CACNB1: variants seen among roughly 807,000 people sequenced by gnomAD.
CACNB1 encodes the protein voltage-dependent L-type calcium channel subunit beta-1.
CACNB1 carries 29 observed loss-of-function variants against 71.6 expected under a neutral mutation model. That is an observed-to-expected ratio of 0.40 (90% CI 0.30 to 0.55). The LOEUF (loss-of-function observed/expected upper bound fraction) is 0.55. Among genes scored for constraint, CACNB1 ranks in the 20% least tolerant of loss-of-function variants. The pLI, the probability that CACNB1 is intolerant of heterozygous loss-of-function variation, is 0.38. For synonymous variants in CACNB1, 300 were observed against 319.6 expected (o/e 0.94, Z 0.65); for missense variants, 623 against 801.8 (o/e 0.78, Z 2.69).
chr17:39,191,607 G>A lies in CACNB1; in HGVS notation c.172-14C>T. 1.2e-6 allele frequency: 2 copies of A among 1,607,720 alleles called. No homozygotes were observed. The highest frequency in any genetic ancestry group is 1.1e-5 in the South Asian group (1 of 90,046). On this transcript the variant is annotated splice_polypyrimidine_tract_variant and intron_variant, in intron 2 of 13. Transcript: ENST00000394303. ...CTCCGCTGAGCCCTGAAAATAGAGA[G>A]AGCCAGATCAGGGCCATTGCTGCCC...
Position 39,186,977 on chromosome 17 carries a change from A to C in CACNB1, c.415-48T>G, listed in dbSNP as rs755036268. 2 of 1,599,998 alleles carry C rather than the reference A, an allele frequency of 1.3e-6. No individual in the cohort carries two copies. Among genetic ancestry groups the C allele is most frequent in the Non-Finnish European group, 1.7e-6 (2 of 1,168,518 alleles). ...GTGGAAAGAGCAAGAGGGAAACTGC[A>C]GGGGCAAGCTAGCAGTCACTCTCTA... On this transcript the variant is annotated intron_variant, in intron 4 of 13. Transcript: ENST00000394303. The surrounding 1 kb of genome is among the most constrained non-coding windows in gnomAD (Gnocchi z 4.1).
chr17:39,191,715 A>G (rs2046085648), intron 2 of CACNB1, 122 bp from the exon 3 acceptor site: 1 of 940,122 alleles, frequency 1.1e-6, no homozygotes, highest in Non-Finnish European at 1.6e-6. Context: ...GCATGACACC[A>G]CAAGGGCTAA....
chr17:39,193,532 C>T (rs979570376), intron 2 of CACNB1: 3 of 432,748 alleles, frequency 6.9e-6, no homozygotes, highest in South Asian at 1.6e-5. Flanking sequence ...CCAAACTGCC[C>T]GTTCCCTTGG....
At position 39,186,061 on chromosome 17, in the gene CACNB1, C is replaced by T. The variant is rs1729950418; in HGVS notation, c.628+435G>A. The T allele has an allele frequency of 3.1e-6, 5 of 1,614,066 alleles. No homozygotes were observed. The highest frequency in any genetic ancestry group is 2.7e-5 in the African/African-American group (2 of 75,034). On this transcript the variant is annotated intron_variant, in intron 6 of 13. Coordinates refer to ENST00000394303, the MANE Select transcript of CACNB1 (RefSeq NM_000723.5). This position sits in a 1 kb window ranked among gnomAD's most constrained non-coding sequence, Gnocchi z 4.1. ...CAAGCTCAGCCTCTTCCTCCTCTAA[C>T]TCTAGGGGGTCTAGTTCAAAGGCTA...
chr17:39,175,599 C>A lies in CACNB1; in HGVS notation c.1391G>T (p.Ser464Ile). The A allele has an allele frequency of 1.2e-6, 2 of 1,602,714 alleles. No individual in the cohort carries two copies. Among genetic ancestry groups the A allele is most frequent in the Non-Finnish European group, 1.7e-6 (2 of 1,173,682 alleles). ...PLERATGEHA[S>I]MHEYPGELGQ... ...CAGCTCCCCTGGGTACTCGTGCATG[C>A]TGGCGTGCTCCCCGGTGGCCCGTTC... Residue 464 changes from serine to isoleucine, a missense_variant, in exon 14 of 14, where the codon AGC becomes ATC. Transcript: ENST00000394303. The surrounding 1 kb of genome is among the most constrained non-coding windows in gnomAD (Gnocchi z 4.7).
In CACNB1 at chr17:39,186,037, A is replaced by C. The variant is rs2045930553; in HGVS notation, c.628+459T>G. ...TCTTGGCAGAGCCACTCTGCTCACC[A>C]AGCTCAGCCTCTTCCTCCTCTAACT... On this transcript the variant is annotated intron_variant, in intron 6 of 13. Transcript: ENST00000394303. This position sits in a 1 kb window ranked among gnomAD's most constrained non-coding sequence, Gnocchi z 4.1. The C allele has an allele frequency of 6.2e-7, 1 of 1,613,868 alleles. No homozygotes were observed. Among genetic ancestry groups the C allele is most frequent in the South Asian group, 1.1e-5 (1 of 91,078 alleles).
intron 3 of CACNB1, 99 bp downstream of exon 3, chr17:39,191,375 G>T: frequency 8.1e-7 from 1 of 1,232,450 alleles, no homozygotes; most frequent in Non-Finnish European, 1.1e-6. Context: ...CTAGGAAGTG[G>T]CTGGGTCAAG....
At position 39,175,370 on chromosome 17, in the gene CACNB1, C is replaced by T. The variant is rs1370545177; in HGVS notation, c.1620G>A (p.Thr540=). 7 of 1,614,132 alleles carry T rather than the reference C, an allele frequency of 4.3e-6. No individual in the cohort carries two copies. Among genetic ancestry groups the T allele is most frequent in the African/African-American group, 2.7e-5 (2 of 75,050 alleles). The change falls in exon 14 of 14, where the codon ACG becomes ACA. Residue 540 remains threonine, a synonymous_variant. Transcript: ENST00000394303. This position sits in a 1 kb window ranked among gnomAD's most constrained non-coding sequence, Gnocchi z 4.7. ...PGLGDPAGGG[T]PPARQGSWED... ...CCCAGGATCCCTGTCGGGCTGGGGG[C>T]GTGCCGCCCCCTGCAGGGTCTCCAA...
Position 39,185,173 on chromosome 17 carries a change from G to A in CACNB1, c.629-23C>T, listed in dbSNP as rs372331639. 1.7e-5 allele frequency: 28 copies of A among 1,611,006 alleles called. No homozygotes were observed. The African/African-American group carries it at 3.2e-4, about 18-fold the overall frequency. On this transcript the variant is annotated intron_variant, in intron 6 of 13. Transcript: ENST00000394303. ...TGGCTGGGTCCAGAGATTGCCAAGAGAGGGAAGGGGGAGGAGAGAGGGAAG... is the reference window on the plus strand; with the variant it reads ...TGGCTGGGTCCAGAGATTGCCAAGAAAGGGAAGGGGGAGGAGAGAGGGAAG...
intron 11 of CACNB1, among the ~76,000 whole-genome samples, chr17:39,178,827 TCAA>T (rs1014891777): frequency 7.2e-5 from 11 of 152,136 alleles, no homozygotes; most frequent in East Asian, 5.8e-4. Context: ...CATTCTCATC[TCAA>T]CAACAAGAAC....
chr17:39,183,337 A>AAAG lies in CACNB1; in HGVS notation c.1050+373_1050+375dup, dbSNP rs35982951. ...ACAGAGCGAGATCCTGACTTAAAAA[A>AAAG]AAGAAGAAGAAGAAGAAGAAGAAGA... On this transcript the variant is annotated intron_variant, in intron 11 of 13. Coordinates refer to ENST00000394303, the MANE Select transcript of CACNB1 (RefSeq NM_000723.5). Among the ~76,000 whole-genome samples the AAAG allele has an allele frequency of 6.3e-3, 820 of 130,290 alleles. 12 individuals are homozygous for AAAG. The highest frequency in any genetic ancestry group is 0.014 in the African/African-American group (553 of 39,664). The allele number at this position is 130,290 out of a possible 152,430, so 85.5% of individuals were successfully genotyped here. A position where few individuals can be genotyped will look rare whatever the true frequency, so the allele number is the denominator to read the frequency against.
At chr17:39,184,510 C>CG in intron 8 of CACNB1, 127 bp from the exon 9 acceptor site, 1 of 669,510 alleles carries the variant, frequency 1.5e-6, no homozygotes, top group South Asian at 1.7e-5. Flanking sequence ...TTACGGCGGG[C>CG]GGGGGTCTGA....
chr17:39,183,928 G>T, intron 10 of CACNB1, 64 bp from the exon 11 acceptor site: 1 of 1,576,964 alleles, frequency 6.3e-7, no homozygotes, highest in Non-Finnish European at 8.7e-7. Flanking sequence ...AGCAGGTGGA[G>T]GGAACACTTC....
intron 3 of CACNB1, among the ~76,000 whole-genome samples, chr17:39,190,913 G>A (rs1280157939): frequency 6.6e-6 from 1 of 151,902 alleles, no homozygotes; most frequent in Non-Finnish European, 1.5e-5. Flanking sequence ...GCTATTAAGA[G>A]TCAGGACCAG....
At chr17:39,188,808 C>T (rs1446605481) in intron 3 of CACNB1, among the ~76,000 whole-genome samples, 1 of 151,380 alleles carries the variant, frequency 6.6e-6, no homozygotes, top group Non-Finnish European at 1.5e-5. Flanking sequence ...TTTGGGAGGG[C>T]AAGGCAGGTG....
Position 39,186,863 on chromosome 17 carries a change from T to G in CACNB1, c.481A>C (p.Ser161Arg). Residue 161 changes from serine to arginine, a missense_variant, in exon 5 of 14, where the codon AGC (serine) becomes CGC (arginine). Physicochemically the swap from Ser to Arg is moderately radical, Grantham distance 110 (BLOSUM62 -1). Coordinates refer to ENST00000394303, the MANE Select transcript of CACNB1 (RefSeq NM_000723.5). This position sits in a 1 kb window ranked among gnomAD's most constrained non-coding sequence, Gnocchi z 4.1. The part of the protein sequence containing the change: ...KEGCEVGFIP[S>R]PVKLDSLRLL... Reference sequence around the variant, plus strand: ...CGAAGGCTGTCCAGTTTGACGGGGCTGGGAATGAAGCCAACCTCACAGCCC... The same window carrying G: ...CGAAGGCTGTCCAGTTTGACGGGGCGGGGAATGAAGCCAACCTCACAGCCC... The G allele has an allele frequency of 6.2e-7, 1 of 1,614,082 alleles. No homozygotes were observed. The highest frequency in any genetic ancestry group is 1.7e-5 in the Admixed American group (1 of 60,004).
At chr17:39,185,531 T>C in intron 6 of CACNB1, among the ~76,000 whole-genome samples, 1 of 151,964 alleles carries the variant, frequency 6.6e-6, no homozygotes, top group African/African-American at 2.4e-5. Context: ...GGGGTTCCCT[T>C]AACTGTCTTG....
intron 1 of CACNB1, among the ~76,000 whole-genome samples, chr17:39,196,394 G>A (rs1243502159): frequency 1.3e-5 from 2 of 152,294 alleles, no homozygotes; most frequent in East Asian, 1.9e-4. Context: ...GGGGACAGCT[G>A]AAAGGAAGGC....
chr17:39,191,381 T>A (rs1252674283), intron 3 of CACNB1, 93 bp downstream of exon 3: 2 of 1,332,508 alleles, frequency 1.5e-6, no homozygotes, highest in African/African-American at 3.0e-5. Flanking sequence ...AGTGGCTGGG[T>A]CAAGACTTGG....
Sources: gnomAD v4.1 joint callset for allele counts (sites outside exome capture counted in the v4.1 genomes callset) on GRCh38, gnomAD v4.1.1 for gene constraint, Gnocchi (gnomAD v3.1) non-coding constraint, MANE v1.5 for transcripts, NCBI Gene and HGNC (gene_info 2026-07-23, HGNC 2026-07-21) for gene names.